ROBO2: variants seen among roughly 807,000 people sequenced by gnomAD.
ROBO2 encodes the protein roundabout guidance receptor 2.
ROBO2 carries 53 observed loss-of-function variants against 160.8 expected under a neutral mutation model. The observed-to-expected ratio is 0.33, with a 90% CI of 0.26 to 0.41. The LOEUF (loss-of-function observed/expected upper bound fraction) is 0.41. ROBO2 is among the 10% of genes least tolerant of loss of function. ROBO2 has a pLI of 1.00. For synonymous variants in ROBO2, 664 were observed against 611.7 expected, an observed-to-expected ratio of 1.09 and a Z score of -1.26; for missense variants, 1,577 against 1,722.4, an observed-to-expected ratio of 0.92 and a Z score of 1.49.
intron 16 of ROBO2, among the ~76,000 whole-genome samples, chr3:77,580,642 T>A (rs2093893227): frequency 6.6e-6 from 1 of 152,174 alleles, no homozygotes; most frequent in Non-Finnish European, 1.5e-5. Flanking sequence ...TTGAGATGTA[T>A]ATAAATGGAA....
At chr3:77,229,012 A>G (rs553329567) in intron 2 of ROBO2, among the ~76,000 whole-genome samples, 1 of 152,306 alleles carries the variant, frequency 6.6e-6, no homozygotes, top group African/African-American at 2.4e-5. Flanking sequence ...TTTGTCCCTA[A>G]GATATCTGCC....
chr3:77,616,016 G>A (rs1184715621), intron 21 of ROBO2, among the ~76,000 whole-genome samples: 2 of 152,142 alleles, frequency 1.3e-5, no homozygotes, highest in Non-Finnish European at 2.9e-5. Flanking sequence ...AAGTAGATAA[G>A]AATGACAGCT....
chr3:77,387,622 C>T (rs1459199286), intron 2 of ROBO2, among the ~76,000 whole-genome samples: 1 of 151,742 alleles, frequency 6.6e-6, no homozygotes, highest in African/African-American at 2.4e-5. Context: ...AGCTTGAGAC[C>T]CCAATTCACT....
intron 2 of ROBO2, among the ~76,000 whole-genome samples, chr3:76,788,706 T>C (rs2063155467): frequency 6.6e-6 from 1 of 151,616 alleles, no homozygotes; most frequent in Non-Finnish European, 1.5e-5. Flanking sequence ...AATTTTTTAT[T>C]ATTCTTTATC....
chr3:76,851,006 G>C (rs752893806), intron 2 of ROBO2, among the ~76,000 whole-genome samples: 8 of 152,164 alleles, frequency 5.3e-5, no homozygotes, highest in African/African-American at 9.7e-5. Flanking sequence ...TAAATGCCTG[G>C]AATGTTTGCT....
chr3:76,252,535 A>G (rs1055622091), intron 2 of ROBO2, among the ~76,000 whole-genome samples: 1 of 151,892 alleles, frequency 6.6e-6, no homozygotes, highest in African/African-American at 2.4e-5. Flanking sequence ...CAATTCCAAT[A>G]TGGTATGTGT....
At chr3:77,209,432 TA>T (rs148357086) in intron 2 of ROBO2, among the ~76,000 whole-genome samples, 1 of 151,640 alleles carries the variant, frequency 6.6e-6, no homozygotes, top group Non-Finnish European at 1.5e-5. Flanking sequence ...ACGTTCAAGG[TA>T]AAAAAAAGCA....
intron 2 of ROBO2, among the ~76,000 whole-genome samples, chr3:76,134,610 T>C (rs896316617): frequency 2.6e-5 from 4 of 152,168 alleles, no homozygotes; most frequent in South Asian, 2.1e-4. Context: ...TGGAATGGCC[T>C]GAGCTTGGAA....
intron 2 of ROBO2, among the ~76,000 whole-genome samples, chr3:76,555,425 G>GAAGAAGAGGAAGAA (rs1399867100): frequency 2.9e-5 from 2 of 68,472 alleles, no homozygotes; most frequent in Middle Eastern, 7.7e-3. Flanking sequence ...AAGAAAGAAG[G>GAAGAAGAGGAAGAA]AGAAGGGGAA....
intron 2 of ROBO2, among the ~76,000 whole-genome samples, chr3:76,475,983 T>C (rs973932826): frequency 5.9e-5 from 9 of 152,100 alleles, no homozygotes; most frequent in Admixed American, 3.9e-4. Flanking sequence ...TGTAACCCCA[T>C]CCCTACTAAA....
intron 2 of ROBO2, among the ~76,000 whole-genome samples, chr3:77,204,498 T>G (rs1247701668): frequency 1.3e-5 from 2 of 152,184 alleles, no homozygotes; most frequent in Admixed American, 1.3e-4. Flanking sequence ...TTTGTAGCTT[T>G]AAGTGCCATG....
chr3:76,461,427 A>G (rs748657063), intron 2 of ROBO2, among the ~76,000 whole-genome samples: 120 of 152,200 alleles, frequency 7.9e-4, no homozygotes, highest in Admixed American at 3.9e-3. Flanking sequence ...TAGAACAATA[A>G]TAAGAGTATT....
chr3:76,197,885 T>C (rs559289657), intron 2 of ROBO2, among the ~76,000 whole-genome samples: 1 of 152,164 alleles, frequency 6.6e-6, no homozygotes, highest in Admixed American at 6.6e-5. Context: ...ATATCTTAAA[T>C]CCTCTGAGAA....
At chr3:76,309,579 G>A (rs2071480620) in intron 2 of ROBO2, among the ~76,000 whole-genome samples, 1 of 152,128 alleles carries the variant, frequency 6.6e-6, no homozygotes, top group Non-Finnish European at 1.5e-5. Context: ...CCAAGAATAT[G>A]ATTTGAAAGC....
intron 2 of ROBO2, among the ~76,000 whole-genome samples, chr3:77,420,870 A>T (rs2077650029): frequency 6.6e-6 from 1 of 152,122 alleles, no homozygotes; most frequent in Non-Finnish European, 1.5e-5. Flanking sequence ...AAATGAGTAG[A>T]TTTATGCACA....
chr3:76,443,943 A>G (rs56383618), intron 2 of ROBO2, among the ~76,000 whole-genome samples: 11,488 of 152,040 alleles, frequency 0.076, 545 homozygotes, highest in African/African-American at 0.13. Context: ...ATTTCTCCAA[A>G]TGTTTTTAGA....
intron 2 of ROBO2, among the ~76,000 whole-genome samples, chr3:76,017,379 G>T (rs1057514350): frequency 1.3e-5 from 2 of 152,056 alleles, no homozygotes; most frequent in Non-Finnish European, 2.9e-5. Flanking sequence ...TCAAGGATTG[G>T]TCCTGCTTTA....
intron 2 of ROBO2, among the ~76,000 whole-genome samples, chr3:76,095,727 A>T (rs932523074): frequency 6.6e-6 from 1 of 150,762 alleles, no homozygotes; most frequent in Non-Finnish European, 1.5e-5. Flanking sequence ...TATGAATTAT[A>T]TACAAGACAC....
At chr3:76,272,710 TATATATTATATACACATATAA>T (rs1487879333) in intron 2 of ROBO2, among the ~76,000 whole-genome samples, 101 of 121,720 alleles carry the variant, frequency 8.3e-4, no homozygotes, top group Non-Finnish European at 9.7e-4. Flanking sequence ...ATATATAAAA[TATATATTATATACACATATAA>T]ATATATATAT....
Sources: gnomAD v4.1 joint callset for allele counts (sites outside exome capture counted in the v4.1 genomes callset) on GRCh38, gnomAD v4.1.1 for gene constraint, MANE v1.5 for transcripts, NCBI Gene and HGNC (gene_info 2026-07-23, HGNC 2026-07-21) for gene names.